TIAM1: variants seen among roughly 807,000 people sequenced by gnomAD.
TIAM1 encodes the protein TIAM Rac1 associated GEF 1.
In TIAM1, 65 loss-of-function variants were observed where a neutral mutation model predicts 163.5. The ratio of observed to expected loss-of-function variants is 0.40; its 90% confidence interval spans 0.33 to 0.49. The LOEUF is 0.49. Among genes scored for constraint, TIAM1 ranks in the 20% least tolerant of loss-of-function variants. TIAM1 has a pLI of 0.77. For missense variants in TIAM1, 1,789 were observed against 2,044.7 expected (o/e 0.87, Z 2.41); for synonymous variants, 833 against 810.1 (o/e 1.03, Z -0.48).
intron 11 of TIAM1, among the ~76,000 whole-genome samples, chr21:31,208,454 C>T (rs1441789010): frequency 6.6e-6 from 1 of 152,104 alleles, no homozygotes; most frequent in Non-Finnish European, 1.5e-5. Context: ...AAGAATTGTG[C>T]TAATTATAAA....
intron 2 of TIAM1, among the ~76,000 whole-genome samples, chr21:31,381,522 G>T (rs1343184854): frequency 6.6e-6 from 1 of 152,082 alleles, no homozygotes; most frequent in Non-Finnish European, 1.5e-5. Context: ...ACAAAAATTA[G>T]CTGGGCATGA....
chr21:31,304,934 C>A (rs1042049473), intron 2 of TIAM1, among the ~76,000 whole-genome samples: 25 of 152,176 alleles, frequency 1.6e-4, no homozygotes, highest in Middle Eastern at 3.2e-3. Context: ...CTCAAAAGAT[C>A]CACCCGCCTC....
chr21:31,289,349 G>A (rs1316137123), intron 2 of TIAM1, among the ~76,000 whole-genome samples: 1 of 152,170 alleles, frequency 6.6e-6, no homozygotes, highest in African/African-American at 2.4e-5. Context: ...TAGGTGGATG[G>A]TCTGGAAGTT....
chr21:31,418,609 A>C (rs955257752), intron 2 of TIAM1, among the ~76,000 whole-genome samples: 3 of 151,974 alleles, frequency 2.0e-5, no homozygotes, highest in Admixed American at 6.6e-5. Context: ...TTTCAGGCCA[A>C]CTCCACAGAA....
chr21:31,466,596 G>A (rs549420109), intron 1 of TIAM1, among the ~76,000 whole-genome samples: 90 of 152,266 alleles, frequency 5.9e-4, no homozygotes, highest in African/African-American at 2.0e-3. Context: ...GGGAACAGAG[G>A]TCCTGATACC....
At chr21:31,384,207 A>C in intron 2 of TIAM1, among the ~76,000 whole-genome samples, 1 of 152,082 alleles carries the variant, frequency 6.6e-6, no homozygotes, top group Non-Finnish European at 1.5e-5. Flanking sequence ...ACTCAAGGAA[A>C]TATATAACAT....
At chr21:31,273,891 G>A (rs1809790676) in intron 3 of TIAM1, among the ~76,000 whole-genome samples, 1 of 152,182 alleles carries the variant, frequency 6.6e-6, no homozygotes, top group Non-Finnish European at 1.5e-5. Context: ...CAATGCCTGT[G>A]CAAGATCATT....
intron 13 of TIAM1, among the ~76,000 whole-genome samples, chr21:31,188,977 G>A (rs1055514148): frequency 1.3e-5 from 2 of 148,918 alleles, no homozygotes; most frequent in African/African-American, 4.9e-5. Context: ...ACAGCCTGCT[G>A]CAAGTCACCT....
chr21:31,422,990 TACTGTATC>T (rs1285043699), intron 2 of TIAM1, among the ~76,000 whole-genome samples: 8 of 65,408 alleles, frequency 1.2e-4, no homozygotes, highest in African/African-American at 1.9e-4. Context: ...TCTCTCTCTT[TACTGTATC>T]ACTGTATCAC....
At chr21:31,521,390 T>C (rs1330751783) in intron 1 of TIAM1, among the ~76,000 whole-genome samples, 1 of 152,130 alleles carries the variant, frequency 6.6e-6, no homozygotes, top group Non-Finnish European at 1.5e-5. Context: ...AAAGTACTTA[T>C]CCTTAGAGCA....
chr21:31,430,326 T>C (rs902180592), intron 2 of TIAM1, among the ~76,000 whole-genome samples: 5 of 149,388 alleles, frequency 3.3e-5, no homozygotes, highest in Admixed American at 2.0e-4. Context: ...CCCTCTGCCA[T>C]GCGCCTCACC....
intron 11 of TIAM1, among the ~76,000 whole-genome samples, chr21:31,206,192 C>A (rs895583185): frequency 6.6e-6 from 1 of 152,098 alleles, no homozygotes; most frequent in Non-Finnish European, 1.5e-5. Flanking sequence ...AAAATATATA[C>A]CAGTGTGTCT....
chr21:31,487,750 G>C (rs1178049539), intron 1 of TIAM1, among the ~76,000 whole-genome samples: 1 of 151,794 alleles, frequency 6.6e-6, no homozygotes, highest in South Asian at 2.1e-4. Context: ...GTAGAGACGG[G>C]GTTTCACCTT....
intron 2 of TIAM1, among the ~76,000 whole-genome samples, chr21:31,375,178 G>A (rs1224835149): frequency 2.0e-5 from 3 of 151,964 alleles, no homozygotes; most frequent in Non-Finnish European, 2.9e-5. Flanking sequence ...TCCAGTATGC[G>A]GTTGGCTTTC....
In TIAM1 at chr21:31,154,490, C is replaced by T. The variant is rs537823665; in HGVS notation, c.2992-64G>A. On this transcript the variant is annotated intron_variant, in intron 16 of 27. Coordinates refer to ENST00000541036, the MANE Select transcript of TIAM1 (RefSeq NM_001353694.2). The stretch of plus-strand genomic sequence containing the variant: ...ATCCCTCATTAGACGCACCTGACAC[C>T]TGGACCGCCTAGAGGTGTTCTCCCT... 81 of 1,549,508 alleles carry T rather than the reference C, an allele frequency of 5.2e-5. No homozygotes were observed. In the East Asian group the frequency reaches 1.2e-3, roughly 24 times the overall value.
chr21:31,270,505 G>C (rs967595358), intron 3 of TIAM1, among the ~76,000 whole-genome samples: 4 of 152,176 alleles, frequency 2.6e-5, no homozygotes, highest in African/African-American at 9.7e-5. Flanking sequence ...TAGCTCTCAT[G>C]TTTAGGGACT....
chr21:31,204,555 C>G (rs2086355835), intron 11 of TIAM1, among the ~76,000 whole-genome samples: 5 of 152,182 alleles, frequency 3.3e-5, no homozygotes, highest in Admixed American at 3.3e-4. Flanking sequence ...TAACAGCATT[C>G]CAATAACCAT....
chr21:31,425,675 TTCTC>T (rs72091693), intron 2 of TIAM1, among the ~76,000 whole-genome samples: 6,245 of 140,870 alleles, frequency 0.044, 209 homozygotes, highest in East Asian at 0.13. Context: ...CTCTCTTTCT[TTCTC>T]TCTCTCTCTT....
chr21:31,168,479 C>A (rs1007268849), intron 15 of TIAM1, among the ~76,000 whole-genome samples: 3 of 152,074 alleles, frequency 2.0e-5, no homozygotes, highest in African/African-American at 7.2e-5. Context: ...CGGCTCACTG[C>A]CAGCTCTACC....
Sources: gnomAD v4.1 joint callset for allele counts (sites outside exome capture counted in the v4.1 genomes callset) on GRCh38, gnomAD v4.1.1 for gene constraint, MANE v1.5 for transcripts, NCBI Gene and HGNC (gene_info 2026-07-23, HGNC 2026-07-21) for gene names.